The following DOCK1 variants were observed in gnomAD, a reference collection of about 807,000 sequenced individuals.
The protein encoded by DOCK1 is dedicator of cytokinesis 1.
DOCK1 carries 138 observed loss-of-function variants against 262.7 expected under a neutral mutation model. The ratio of observed to expected loss-of-function variants is 0.53; its 90% CI spans 0.46 to 0.61. The LOEUF is 0.61. Ranked by LOEUF, DOCK1 falls within the 20% of genes least tolerant of loss-of-function variation. DOCK1 has a pLI of 0.00. For missense variants in DOCK1, 1,908 were observed against 2,370.7 expected (o/e 0.80, Z 4.05); for synonymous variants, 866 against 867.4 (o/e 1.00, Z 0.03).
At chr10:127,024,085 A>G (rs938508360) in intron 14 of DOCK1, among the ~76,000 whole-genome samples, 14 of 152,204 alleles carry the variant, frequency 9.2e-5, no homozygotes, top group Non-Finnish European at 1.5e-4. Flanking sequence ...AGGTCAAATC[A>G]GAGCTGCTGT....
chr10:127,416,647 C>T (rs2068172854), intron 44 of DOCK1, among the ~76,000 whole-genome samples: 1 of 152,188 alleles, frequency 6.6e-6, no homozygotes, highest in Admixed American at 6.5e-5. Flanking sequence ...CTGGGACCAA[C>T]CCCCGTGGGA....
chr10:127,404,290 T>G (rs555056631), intron 39 of DOCK1, 35 bp from the exon 40 acceptor site: 1 of 1,579,634 alleles, frequency 6.3e-7, no homozygotes, highest in African/African-American at 1.3e-5. Flanking sequence ...GCTTGAATAC[T>G]CAAACCTGAA....
intron 23 of DOCK1, among the ~76,000 whole-genome samples, chr10:127,092,327 C>T (rs1052698600): frequency 8.5e-5 from 13 of 152,182 alleles, no homozygotes; most frequent in Non-Finnish European, 1.9e-4. Flanking sequence ...TGTCATCGCT[C>T]AGCAAGGCAT....
intron 33 of DOCK1, among the ~76,000 whole-genome samples, chr10:127,362,586 A>G (rs191316423): frequency 2.8e-4 from 42 of 152,274 alleles, no homozygotes; most frequent in East Asian, 1.5e-3. Flanking sequence ...GAATTGTGGT[A>G]TTTTGAAAGC....
intron 47 of DOCK1, among the ~76,000 whole-genome samples, chr10:127,431,845 A>C (rs143172058): frequency 0.022 from 3,311 of 152,246 alleles, 58 homozygotes; most frequent in Middle Eastern, 0.034. Flanking sequence ...TTTGCAGCAG[A>C]GGTCCCAGCC....
At chr10:127,298,022 A>C (rs1009554085) in intron 29 of DOCK1, among the ~76,000 whole-genome samples, 2 of 152,214 alleles carry the variant, frequency 1.3e-5, no homozygotes, top group Non-Finnish European at 2.9e-5. Context: ...TGGAAAAGCA[A>C]TTATTCCCAC....
chr10:126,983,727 A>T (rs1464163534), intron 4 of DOCK1, among the ~76,000 whole-genome samples: 1 of 152,054 alleles, frequency 6.6e-6, no homozygotes, highest in Non-Finnish European at 1.5e-5. Flanking sequence ...CTCGTGAAGG[A>T]TCTCTTTTGC....
At position 126,990,452 on chromosome 10, in the gene DOCK1, T is replaced by C. The variant is rs1193900819; in HGVS notation, c.325-3T>C. 6.2e-7 allele frequency: 1 copy of C among 1,604,034 alleles called. No homozygotes were observed. Among genetic ancestry groups the C allele is most frequent in the African/African-American group, 1.3e-5 (1 of 74,876 alleles). On this transcript the variant is annotated splice_region_variant and splice_polypyrimidine_tract_variant and intron_variant, in intron 5 of 51. Transcript: ENST00000623213. The stretch of plus-strand genomic sequence containing the variant: ...CTTTCTGATTGGGTTTTTCCCCGTA[T>C]AGCAAGATAACAGGGAGATGTTTCG...
At chr10:127,013,903 G>A (rs1312886309) in intron 12 of DOCK1, among the ~76,000 whole-genome samples, 2 of 152,326 alleles carry the variant, frequency 1.3e-5, no homozygotes, top group Middle Eastern at 3.4e-3. Flanking sequence ...CACACAGATC[G>A]GCCGCCGGGA....
chr10:127,182,214 A>T (rs1357219329), intron 27 of DOCK1, among the ~76,000 whole-genome samples: 2 of 152,206 alleles, frequency 1.3e-5, no homozygotes, highest in Non-Finnish European at 2.9e-5. Flanking sequence ...GCACTCACAG[A>T]GGTTAAATGT....
intron 37 of DOCK1, among the ~76,000 whole-genome samples, chr10:127,382,723 G>T (rs932554474): frequency 1.3e-5 from 2 of 152,164 alleles, no homozygotes; most frequent in Admixed American, 6.5e-5. Flanking sequence ...AATTAAAATG[G>T]GGTTGACAAA....
chr10:127,280,184 G>A lies in DOCK1; in HGVS notation c.3044+22755G>A, dbSNP rs1342213959. On this transcript the variant is annotated intron_variant, in intron 29 of 51. Transcript: ENST00000623213. ...CGAGTAGCTGGGACTACAGGCACCC[G>A]CCACCGCACCCGGCTAATTTTTTGT... Among the ~76,000 whole-genome samples the A allele has an allele frequency of 1.2e-4, 18 of 151,198 alleles. No individual in the cohort carries two copies. The South Asian group carries it at 2.3e-3, about 19-fold the overall frequency.
At chr10:127,300,289 G>A (rs930735081) in intron 29 of DOCK1, among the ~76,000 whole-genome samples, 24 of 152,160 alleles carry the variant, frequency 1.6e-4, no homozygotes, top group African/African-American at 4.3e-4. Context: ...TCTCCTGTGC[G>A]GCTTCTCTCC....
intron 27 of DOCK1, among the ~76,000 whole-genome samples, chr10:127,162,942 A>G (rs2053715618): frequency 6.6e-6 from 1 of 152,324 alleles, no homozygotes; most frequent in Middle Eastern, 3.4e-3. Flanking sequence ...TTAAGGAAGC[A>G]GAGTCACAGA....
chr10:127,301,335 CT>C (rs1429407109), intron 29 of DOCK1, among the ~76,000 whole-genome samples: 1 of 152,220 alleles, frequency 6.6e-6, no homozygotes. Context: ...AGTCAGGCTG[CT>C]TCCTTTGTTT....
chr10:127,031,312 CG>C (rs2043224228), intron 16 of DOCK1, among the ~76,000 whole-genome samples: 1 of 152,260 alleles, frequency 6.6e-6, no homozygotes, highest in African/African-American at 2.4e-5. Context: ...TCTAGTGTTG[CG>C]GGCTTTCCTC....
chr10:126,977,543 G>A (rs1295198881), intron 2 of DOCK1, among the ~76,000 whole-genome samples: 1 of 152,182 alleles, frequency 6.6e-6, no homozygotes, highest in Non-Finnish European at 1.5e-5. Context: ...GCGAGATGCT[G>A]ACATGTGCCC....
intron 23 of DOCK1, among the ~76,000 whole-genome samples, chr10:127,080,069 C>G (rs2046812756): frequency 1.3e-5 from 2 of 152,130 alleles, no homozygotes; most frequent in Admixed American, 1.3e-4. Context: ...CTGCCATTCA[C>G]CTCTTACAGC....
intron 11 of DOCK1, among the ~76,000 whole-genome samples, chr10:127,011,514 T>A (rs2041440455): frequency 6.6e-6 from 1 of 152,248 alleles, no homozygotes; most frequent in Non-Finnish European, 1.5e-5. Flanking sequence ...ATAGTGCACT[T>A]CGCTGTGCTA....
Sources: gnomAD v4.1 joint callset for allele counts (sites outside exome capture counted in the v4.1 genomes callset) on GRCh38, gnomAD v4.1.1 for gene constraint, MANE v1.5 for transcripts, NCBI Gene and HGNC (gene_info 2026-07-23, HGNC 2026-07-21) for gene names.